EXT1: variants seen among roughly 807,000 people sequenced by gnomAD.
The protein encoded by EXT1 is exostosin glycosyltransferase 1.
In EXT1, 20 loss-of-function variants were observed where a neutral mutation model predicts 82.5. The ratio of observed to expected loss-of-function variants is 0.24; its 90% confidence interval spans 0.17 to 0.35. EXT1 has a LOEUF of 0.35. EXT1 is among the 10% of genes least tolerant of loss of function. The pLI, the probability that EXT1 is intolerant of heterozygous loss-of-function variation, is 1.00. For synonymous variants in EXT1, 348 were observed against 350.8 expected (o/e 0.99, Z 0.09); for missense variants, 757 against 936.5 (o/e 0.81, Z 2.50).
chr8:117,983,894 C>T lies in EXT1; in HGVS notation c.962+126191G>A, dbSNP rs185328806. Among the ~76,000 whole-genome samples the T allele has an allele frequency of 7.2e-4, 110 of 152,330 alleles. 3 individuals carry two copies. In the East Asian group the frequency reaches 0.016, roughly 22 times the overall value. On this transcript the variant is annotated intron_variant, in intron 1 of 10. Transcript: ENST00000378204. ...TTTGTTTATTATCTCTCTGACTACCCTGTTTCTCCCTCCTATTGGAATCTT... is the reference window on the plus strand; with the variant it reads ...TTTGTTTATTATCTCTCTGACTACCTTGTTTCTCCCTCCTATTGGAATCTT...
At chr8:118,012,985 A>C (rs982509077) in intron 1 of EXT1, among the ~76,000 whole-genome samples, 1 of 152,098 alleles carries the variant, frequency 6.6e-6, no homozygotes, top group Non-Finnish European at 1.5e-5. Flanking sequence ...GCAAATGAAA[A>C]CATGCATAAT....
At chr8:118,010,983 T>A (rs937714739) in intron 1 of EXT1, among the ~76,000 whole-genome samples, 9 of 152,136 alleles carry the variant, frequency 5.9e-5, no homozygotes, top group Non-Finnish European at 8.8e-5. Context: ...CAACAGGAGC[T>A]TGCAGGAAAG....
intron 1 of EXT1, among the ~76,000 whole-genome samples, chr8:117,986,711 C>G (rs1815329285): frequency 6.6e-6 from 1 of 152,088 alleles, no homozygotes; most frequent in Non-Finnish European, 1.5e-5. Context: ...CATACCGGAC[C>G]ACTTCGTGGG....
intron 1 of EXT1, among the ~76,000 whole-genome samples, chr8:117,864,584 C>T (rs1012961643): frequency 6.6e-6 from 1 of 152,044 alleles, no homozygotes; most frequent in African/African-American, 2.4e-5. Context: ...CCCGTCTCTA[C>T]TAAAAATACA....
intron 1 of EXT1, among the ~76,000 whole-genome samples, chr8:118,031,336 C>CCAA (rs1324720593): frequency 6.6e-6 from 1 of 152,072 alleles, no homozygotes; most frequent in African/African-American, 2.4e-5. Flanking sequence ...ACCAGCCTGG[C>CCAA]CAACACAGCG....
chr8:117,939,571 G>GAAA (rs11420757), intron 1 of EXT1, among the ~76,000 whole-genome samples: 2 of 122,878 alleles, frequency 1.6e-5, no homozygotes, highest in Non-Finnish European at 3.2e-5. Flanking sequence ...CTCCATCTCT[G>GAAA]AAAAAAAAAA....
At chr8:117,860,146 CAAAAAAAAA>C (rs34399339) in intron 1 of EXT1, among the ~76,000 whole-genome samples, 13 of 76,902 alleles carry the variant, frequency 1.7e-4, no homozygotes, top group East Asian at 4.0e-4. Flanking sequence ...GATTCTATCT[CAAAAAAAAA>C]AAAAAAAAAA....
intron 1 of EXT1, among the ~76,000 whole-genome samples, chr8:117,946,199 T>C (rs946994580): frequency 2.0e-5 from 3 of 152,174 alleles, no homozygotes; most frequent in African/African-American, 7.2e-5. Context: ...GCGCCTGGCC[T>C]AGATTACTGT....
intron 1 of EXT1, among the ~76,000 whole-genome samples, chr8:117,853,332 G>A (rs10111748): frequency 0.094 from 14,322 of 152,178 alleles, 940 homozygotes; most frequent in African/African-American, 0.19. Context: ...ATCATTTGAG[G>A]TCAGGAGTTC....
chr8:117,979,402 TC>T (rs1282771285), intron 1 of EXT1, among the ~76,000 whole-genome samples: 1 of 150,866 alleles, frequency 6.6e-6, no homozygotes, highest in African/African-American at 2.4e-5. Flanking sequence ...CAAAAAAAGA[TC>T]CTTATCCATT....
rs2130041290 is a variant in EXT1, at chr8:118,110,162, G to A, written c.885C>T (p.Leu295=). 1.2e-6 allele frequency: 2 copies of A among 1,614,198 alleles called. No individual in the cohort carries two copies. The highest frequency in any genetic ancestry group is 1.7e-6 in the Non-Finnish European group (2 of 1,180,042). Reference sequence around the variant, plus strand: ...AGTCTTTGCCATGCTTGCAGGTGGTGAGGAGCACAACGTCCTCCCCGTTAT... The same window carrying A: ...AGTCTTTGCCATGCTTGCAGGTGGTAAGGAGCACAACGTCCTCCCCGTTAT... ...HVHNGEDVVL[L]TTCKHGKDWQ... The change falls in exon 1 of 11, where the codon CTC becomes CTT. Residue 295 remains leucine (L), a synonymous_variant. Coordinates refer to ENST00000378204, the MANE Select transcript of EXT1 (RefSeq NM_000127.3).
intron 1 of EXT1, among the ~76,000 whole-genome samples, chr8:117,891,417 C>G (rs1813238262): frequency 6.6e-6 from 1 of 152,134 alleles, no homozygotes; most frequent in Admixed American, 6.5e-5. Flanking sequence ...CTGTAATCTG[C>G]CATACTGTCA....
intron 1 of EXT1, among the ~76,000 whole-genome samples, chr8:118,088,718 G>A (rs1373058383): frequency 1.5e-5 from 2 of 131,026 alleles, no homozygotes; most frequent in African/African-American, 3.0e-5. Flanking sequence ...TTGTTTTCTT[G>A]TTTACTTTTG....
At chr8:117,933,664 G>C (rs907499835) in intron 1 of EXT1, among the ~76,000 whole-genome samples, 4 of 152,054 alleles carry the variant, frequency 2.6e-5, no homozygotes, top group Non-Finnish European at 5.9e-5. Flanking sequence ...TTACTGCTGC[G>C]TCCCATGCAC....
At chr8:117,976,200 T>C (rs1290067212) in intron 1 of EXT1, among the ~76,000 whole-genome samples, 1 of 152,228 alleles carries the variant, frequency 6.6e-6, no homozygotes, top group Non-Finnish European at 1.5e-5. Context: ...ATTCTCAGTA[T>C]GTAAATCTAT....
intron 1 of EXT1, among the ~76,000 whole-genome samples, chr8:117,913,675 A>T (rs1813694283): frequency 6.6e-6 from 1 of 152,070 alleles, no homozygotes; most frequent in Non-Finnish European, 1.5e-5. Flanking sequence ...TCAGCTTCTT[A>T]CTCTGGGAGG....
chr8:117,826,608 T>G (rs1038326912), intron 4 of EXT1, among the ~76,000 whole-genome samples: 1 of 152,218 alleles, frequency 6.6e-6, no homozygotes, highest in Non-Finnish European at 1.5e-5. Context: ...CCCTGATTTT[T>G]TGATTATGTT....
chr8:118,009,142 C>T (rs1001344765), intron 1 of EXT1, among the ~76,000 whole-genome samples: 2 of 152,160 alleles, frequency 1.3e-5, no homozygotes, highest in African/African-American at 4.8e-5. Context: ...AGCCACATCG[C>T]AATAGGGACT....
At chr8:117,882,965 A>C (rs1813086123) in intron 1 of EXT1, among the ~76,000 whole-genome samples, 1 of 150,054 alleles carries the variant, frequency 6.7e-6, no homozygotes, top group Admixed American at 6.7e-5. Flanking sequence ...CGACAAAATG[A>C]GACTCTGTCT....
Sources: gnomAD v4.1 joint callset for allele counts (sites outside exome capture counted in the v4.1 genomes callset) on GRCh38, gnomAD v4.1.1 for gene constraint, MANE v1.5 for transcripts, NCBI Gene and HGNC (gene_info 2026-07-23, HGNC 2026-07-21) for gene names.